Variants in PCDHGA4 observed in about 807,000 individuals in gnomAD.
PCDHGA4 encodes the protein protocadherin gamma subfamily A, 4, also known as protocadherin gamma-A4.
In PCDHGA4, 38 loss-of-function variants were observed where a neutral mutation model predicts 54.6. That is an observed-to-expected ratio of 0.70 (90% CI 0.54 to 0.91). The LOEUF (loss-of-function observed/expected upper bound fraction) is 0.91, where lower values mean the gene tolerates loss of function less well. Ranked by LOEUF, PCDHGA4 falls within the 40% of genes least tolerant of loss-of-function variation. PCDHGA4 has a pLI of 0.00. For synonymous variants in PCDHGA4, 511 were observed against 512.9 expected, an observed-to-expected ratio of 1.00 and a Z score of 0.05; for missense variants, 1,298 against 1,220.9, an observed-to-expected ratio of 1.06 and a Z score of -0.94.
chr5:141,413,042 G>T, intron 1 of PCDHGA4: 1 of 857,566 alleles, frequency 1.2e-6, no homozygotes, highest in Non-Finnish European at 1.7e-6. Context: ...CTGCTGGGCT[G>T]CAGGGAAGCT....
At chr5:141,446,508 G>A (rs932199756) in intron 1 of PCDHGA4, among the ~76,000 whole-genome samples, 4 of 151,356 alleles carry the variant, frequency 2.6e-5, no homozygotes, top group Non-Finnish European at 5.9e-5. Flanking sequence ...ATGGAGTCTC[G>A]CTCTGTCACC....
Position 141,477,160 on chromosome 5 carries a change from C to A in PCDHGA4, c.2515-17647C>A, listed in dbSNP as rs768436526. The A allele has an allele frequency of 1.9e-5, 31 of 1,614,068 alleles. No homozygotes were observed. The African/African-American group carries it at 3.6e-4, about 19-fold the overall frequency. On this transcript the variant is annotated intron_variant, in intron 1 of 3. Coordinates refer to ENST00000571252, the MANE Select transcript of PCDHGA4 (RefSeq NM_018917.4). This position sits in a 1 kb window ranked among gnomAD's most constrained non-coding sequence, Gnocchi z 4.9. ...TGGAGGTTGTGGATGTGAATGACAA[C>A]GCCCCGGAGATCACAGTCACCTCCG...
chr5:141,400,717 G>C (rs2094065619), intron 1 of PCDHGA4: 1 of 672,320 alleles, frequency 1.5e-6, no homozygotes. Context: ...TAGCCTTATA[G>C]ATTTACAAAG....
chr5:141,462,388 C>T (rs529638718), intron 1 of PCDHGA4, among the ~76,000 whole-genome samples: 86 of 152,204 alleles, frequency 5.7e-4, no homozygotes, highest in Non-Finnish European at 9.4e-4. Context: ...AATTCGTTAA[C>T]ATTTCTTTTA....
intron 3 of PCDHGA4, among the ~76,000 whole-genome samples, chr5:141,505,765 T>C (rs970212345): frequency 5.3e-5 from 8 of 151,922 alleles, no homozygotes; most frequent in African/African-American, 1.9e-4. Flanking sequence ...ACAGTGTAGC[T>C]CAGGTCCTAG....
chr5:141,501,125 C>A (rs2099805699), intron 2 of PCDHGA4, among the ~76,000 whole-genome samples: 1 of 152,140 alleles, frequency 6.6e-6, no homozygotes, highest in South Asian at 2.1e-4. Context: ...CCTCAGCCTC[C>A]CTAAGTGCTG....
chr5:141,389,705 G>A (rs770533850), intron 1 of PCDHGA4: 2 of 1,612,552 alleles, frequency 1.2e-6, no homozygotes, highest in Admixed American at 3.3e-5. Context: ...ACCACGTGCT[G>A]CAGGCTAGCG....
chr5:141,394,514 C>T, intron 1 of PCDHGA4: 1 of 1,614,230 alleles, frequency 6.2e-7, no homozygotes. Flanking sequence ...ACCCCGCCCT[C>T]CCCACAGACG....
intron 2 of PCDHGA4, among the ~76,000 whole-genome samples, chr5:141,503,744 A>G (rs1310696654): frequency 2.0e-5 from 3 of 152,112 alleles, no homozygotes; most frequent in African/African-American, 4.8e-5. Context: ...GATGGTATAG[A>G]GGTCACACAT....
In PCDHGA4 at chr5:141,356,287, G is replaced by A. The variant is rs1760178048; in HGVS notation, c.1180G>A (p.Gly394Ser). ...TSSVQESSSP[G>S]TVIALFNVHD... ...CTCAGTCCAGGAATCTTCTTCCCCGGGTACAGTAATTGCACTTTTCAACGT... is the reference window on the plus strand; with the variant it reads ...CTCAGTCCAGGAATCTTCTTCCCCGAGTACAGTAATTGCACTTTTCAACGT... Residue 394 changes from glycine to serine, a missense_variant, in exon 1 of 4, where the codon GGT becomes AGT. By Grantham distance (56) the Gly-to-Ser change is moderately conservative. Transcript: ENST00000571252. 1 of 1,556,188 alleles carries A rather than the reference G, an allele frequency of 6.4e-7. No individual in the cohort carries two copies. The highest frequency in any genetic ancestry group is 1.4e-5 in the African/African-American group (1 of 73,218).
At chr5:141,492,553 G>A (rs1184580300) in intron 1 of PCDHGA4, among the ~76,000 whole-genome samples, 1 of 152,148 alleles carries the variant, frequency 6.6e-6, no homozygotes, top group Non-Finnish European at 1.5e-5. Flanking sequence ...CGGGTCGCCT[G>A]GGGGGCGGCC....
chr5:141,365,849 A>G (rs773114118), intron 1 of PCDHGA4: 49 of 1,613,994 alleles, frequency 3.0e-5, no homozygotes, highest in Middle Eastern at 3.3e-4. Flanking sequence ...CTATGTATCC[A>G]TTAACTCTGA....
chr5:141,416,063 A>G (rs546746824), intron 1 of PCDHGA4: 201 of 176,914 alleles, frequency 1.1e-3, no homozygotes, highest in Non-Finnish European at 1.8e-3. Flanking sequence ...ATCCAAGAAT[A>G]CTCAATGCAG....
intron 1 of PCDHGA4, 138 bp from the exon 2 acceptor site, chr5:141,494,669 T>A: frequency 6.5e-7 from 1 of 1,527,472 alleles, no homozygotes; most frequent in South Asian, 1.2e-5. Context: ...TGGAGATGAG[T>A]CCACCCCTGC....
At chr5:141,442,708 A>C (rs2098338740) in intron 1 of PCDHGA4, among the ~76,000 whole-genome samples, 2 of 152,254 alleles carry the variant, frequency 1.3e-5, no homozygotes, top group Non-Finnish European at 2.9e-5. Context: ...AGTATCAGAC[A>C]TGCCAGAGCA....
At position 141,494,781 on chromosome 5, in the gene PCDHGA4, C is replaced by A. The variant is rs145360252; in HGVS notation, c.2515-26C>A. On this transcript the variant is annotated intron_variant, in intron 1 of 3. Coordinates refer to ENST00000571252, the MANE Select transcript of PCDHGA4 (RefSeq NM_018917.4). ...ATTCTAACTTCTCACGGGTACTCAG[C>A]CCCTTTCCCTCTGTTTTCTCCACAG... 6,156 of 1,614,074 alleles carry A rather than the reference C, an allele frequency of 3.8e-3. 13 individuals are homozygous for A. Among genetic ancestry groups the A allele is most frequent in the Middle Eastern group, 8.1e-3 (49 of 6,062 alleles).
chr5:141,389,229 G>A, intron 1 of PCDHGA4: 1 of 1,614,048 alleles, frequency 6.2e-7, no homozygotes, highest in South Asian at 1.1e-5. Context: ...CAACGCTCCG[G>A]TTTTCTCACA....
chr5:141,473,377 C>T (rs2099320819), intron 1 of PCDHGA4, among the ~76,000 whole-genome samples: 1 of 152,202 alleles, frequency 6.6e-6, no homozygotes, highest in Admixed American at 6.5e-5. Flanking sequence ...TAGCATGGTC[C>T]CTGCCCTCCT....
intron 1 of PCDHGA4, among the ~76,000 whole-genome samples, chr5:141,363,900 A>G (rs1443403016): frequency 6.6e-6 from 1 of 152,258 alleles, no homozygotes; most frequent in Non-Finnish European, 1.5e-5. Flanking sequence ...CCGATGACGC[A>G]TTAAATAAAA....
Sources: gnomAD v4.1 joint callset for allele counts (sites outside exome capture counted in the v4.1 genomes callset) on GRCh38, gnomAD v4.1.1 for gene constraint, Gnocchi (gnomAD v3.1) non-coding constraint, MANE v1.5 for transcripts, NCBI Gene and HGNC (gene_info 2026-07-23, HGNC 2026-07-21) for gene names.